GUCY2F: variants seen among roughly 807,000 people sequenced by gnomAD.
The protein encoded by GUCY2F is retinal guanylyl cyclase 2.
In GUCY2F, 61 loss-of-function variants were observed where a neutral mutation model predicts 73.1. That is an observed-to-expected ratio of 0.83 (90% CI 0.68 to 1.03). GUCY2F has a LOEUF of 1.03. GUCY2F is among the 50% of genes least tolerant of loss of function. The probability of loss-of-function intolerance (pLI) is 0.00; values close to 1 mark genes in which losing one functional copy is unlikely to be tolerated. For missense variants in GUCY2F, 912 were observed against 854.3 expected, an observed-to-expected ratio of 1.07 and a Z score of -0.84; for synonymous variants, 331 against 307.8, an observed-to-expected ratio of 1.08 and a Z score of -0.79.
chrX:109,457,599 A>G (rs1180816356), intron 3 of GUCY2F, among the ~76,000 whole-genome samples: 1 of 111,750 alleles, frequency 8.9e-6, no homozygotes, highest in Non-Finnish European at 1.9e-5. Flanking sequence ...CTTATTTTGT[A>G]TAGAATGGGG....
intron 10 of GUCY2F, among the ~76,000 whole-genome samples, chrX:109,399,196 G>A (rs1000542501): frequency 1.8e-5 from 2 of 112,588 alleles, no homozygotes; most frequent in African/African-American, 6.5e-5. Context: ...AGTGCAAAAA[G>A]GTGCAACAAT....
intron 6 of GUCY2F, among the ~76,000 whole-genome samples, chrX:109,443,985 T>C (rs897058766): frequency 8.9e-6 from 1 of 112,188 alleles, no homozygotes; most frequent in African/African-American, 3.2e-5. Context: ...CTAGCTTGTA[T>C]TTTAACATCT....
chrX:109,382,249 C>T, intron 16 of GUCY2F, 37 bp from the exon 17 acceptor site: 1 of 776,024 alleles, frequency 1.3e-6, no homozygotes, highest in Non-Finnish European at 2.0e-6. Flanking sequence ...GGGCTCCTTT[C>T]TCACTGGCAA....
At chrX:109,463,562 C>A (rs1397301546) in intron 3 of GUCY2F, among the ~76,000 whole-genome samples, 1 of 108,736 alleles carries the variant, frequency 9.2e-6, no homozygotes, top group Non-Finnish European at 1.9e-5. Context: ...CTCAGCCTCC[C>A]GAGTAGCTGG....
At chrX:109,408,574 A>G (rs1216092833) in intron 9 of GUCY2F, among the ~76,000 whole-genome samples, 1 of 112,253 alleles carries the variant, frequency 8.9e-6, no homozygotes, top group Non-Finnish European at 1.9e-5. Flanking sequence ...CTCAAATTGT[A>G]TCTCCCAGAA....
At chrX:109,446,242 G>A (rs988144549) in intron 6 of GUCY2F, among the ~76,000 whole-genome samples, 5 of 111,813 alleles carry the variant, frequency 4.5e-5, no homozygotes, top group South Asian at 3.7e-4. Context: ...TCAAGCTACT[G>A]ATGACTTTCT....
intron 6 of GUCY2F, among the ~76,000 whole-genome samples, chrX:109,446,739 C>T (rs1446901928): frequency 2.7e-5 from 3 of 111,783 alleles, no homozygotes; most frequent in Non-Finnish European, 5.6e-5. Flanking sequence ...TCTAAAACAC[C>T]ACAAGCAATG....
At chrX:109,398,446 C>T (rs1419737185) in intron 11 of GUCY2F, 103 bp downstream of exon 11, 2 of 718,697 alleles carry the variant, frequency 2.8e-6, no homozygotes, top group African/African-American at 4.3e-5. Flanking sequence ...GACTATCAGG[C>T]TGTTAGCACT....
At chrX:109,436,505 A>G (rs1308237083) in intron 7 of GUCY2F, among the ~76,000 whole-genome samples, 3 of 111,650 alleles carry the variant, frequency 2.7e-5, no homozygotes, top group Non-Finnish European at 5.6e-5. Flanking sequence ...TTGCGGCACT[A>G]TTCACAATAG....
intron 7 of GUCY2F, among the ~76,000 whole-genome samples, chrX:109,439,637 T>C (rs1030816317): frequency 5.4e-5 from 6 of 111,591 alleles, no homozygotes; most frequent in African/African-American, 1.3e-4. Context: ...CTTTGCTGCC[T>C]AGAGATTTCT....
chrX:109,410,272 C>G (rs73530217), intron 8 of GUCY2F, among the ~76,000 whole-genome samples: 4,217 of 112,093 alleles, frequency 0.038, 161 homozygotes, highest in African/African-American at 0.12. Context: ...AAGTGAAACT[C>G]AAGCTGCAGA....
chrX:109,464,752 A>G (rs1172064753), intron 3 of GUCY2F, among the ~76,000 whole-genome samples: 1 of 112,651 alleles, frequency 8.9e-6, no homozygotes, highest in African/African-American at 3.2e-5. Context: ...TGTTATCAAA[A>G]ATAAAGGAAA....
At chrX:109,465,071 G>T in intron 3 of GUCY2F, 71 bp downstream of exon 3, 1 of 792,758 alleles carries the variant, frequency 1.3e-6, no homozygotes, top group Non-Finnish European at 1.8e-6. Context: ...TGAGACTGTT[G>T]GTCTGAAAAT....
Position 109,453,534 on chromosome X carries a change from C to A in GUCY2F, c.1358G>T (p.Trp453Leu). 8.3e-7 allele frequency: 1 copy of A among 1,202,486 alleles called. No homozygotes were observed. Among genetic ancestry groups the A allele is most frequent in the South Asian group, 1.8e-5 (1 of 56,046 alleles). ...GRPPRADAKC[W>L]FAEGKICHGG... ...ATGGCAGATCTTCCCTTCTGCAAAC[C>A]AGCATTTTGCATCTGCTCTAGGGGG... Residue 453 changes from tryptophan to leucine, a missense_variant, in exon 4 of 20, where the codon TGG becomes TTG. Coordinates refer to ENST00000218006, the MANE Select transcript of GUCY2F (RefSeq NM_001522.3).
chrX:109,449,308 G>A (rs1932089650), intron 5 of GUCY2F, among the ~76,000 whole-genome samples: 1 of 112,330 alleles, frequency 8.9e-6, no homozygotes, highest in Admixed American at 9.4e-5. Flanking sequence ...CTAATTGTCT[G>A]CCAACAAATA....
chrX:109,395,431 C>T lies in GUCY2F; in HGVS notation c.2334G>A (p.Glu778=). ...GCTGGAGACATTCTGGAGGGGCATG[C>T]TCAGGAGGAACTACTGGTCTGTACA... ...PPVYRPVVPP[E]HAPPECLQLM... Residue 778 remains glutamate, a synonymous_variant, in exon 12 of 20, where the codon GAG becomes GAA. Transcript: ENST00000218006. 8.3e-7 allele frequency: 1 copy of T among 1,199,018 alleles called. No homozygotes were observed. The highest frequency in any genetic ancestry group is 1.1e-6 in the Non-Finnish European group (1 of 883,801).
chrX:109,392,210 A>G, intron 13 of GUCY2F, 107 bp from the exon 14 acceptor site: 1 of 533,547 alleles, frequency 1.9e-6, no homozygotes, highest in Admixed American at 3.5e-5. Context: ...CTGCTAATAA[A>G]TGATGAGGAA....
intron 8 of GUCY2F, among the ~76,000 whole-genome samples, chrX:109,423,909 G>A (rs976419396): frequency 9.1e-6 from 1 of 110,442 alleles, no homozygotes; most frequent in Non-Finnish European, 1.9e-5. Flanking sequence ...AGATCAATGG[G>A]ACACAAAGCA....
chrX:109,429,144 G>A (rs1162450503), intron 8 of GUCY2F, among the ~76,000 whole-genome samples: 3 of 112,316 alleles, frequency 2.7e-5, no homozygotes, highest in African/African-American at 9.7e-5. Context: ...GGGCGCGGTG[G>A]CTCACGCCTG....
Sources: allele counts gnomAD v4.1 joint callset (sites outside exome capture counted in the v4.1 genomes callset), GRCh38; gene constraint gnomAD v4.1.1; transcripts MANE v1.5; gene names NCBI Gene and HGNC (gene_info 2026-07-23, HGNC 2026-07-21).